The following RD3 variants were observed in gnomAD, a reference collection of about 807,000 sequenced individuals.
The protein encoded by RD3 is protein RD3.
Under a neutral mutation model 16.9 loss-of-function variants are expected in RD3, and 11 were observed. The ratio of observed to expected loss-of-function variants is 0.65; its 90% CI spans 0.41 to 1.08. The LOEUF (loss-of-function observed/expected upper bound fraction) is 1.08, where lower values mean the gene tolerates loss of function less well. Ranked by LOEUF, RD3 falls within the 50% of genes least tolerant of loss-of-function variation. RD3 has a pLI of 0.00. For missense variants in RD3, 274 were observed against 267.4 expected (o/e 1.02, Z -0.17); for synonymous variants, 116 against 114.8 (o/e 1.01, Z -0.07).
rs779496653 is a variant in RD3, at chr1:211,479,041, C to A, written c.583G>T (p.Asp195Tyr). 70 of 1,596,960 alleles carry A rather than the reference C, an allele frequency of 4.4e-5. No individual in the cohort carries two copies. The highest frequency in any genetic ancestry group is 5.7e-5 in the Non-Finnish European group (67 of 1,173,482). ...GGGCAGGGAAGCGGCCGGGGTCAGT[C>A]GGCTTTGGGCGCCCGGAATTCGGGC... The part of the protein sequence containing the change: ...SMPEFRAPKA[D>Y] Residue 195 changes from aspartate (D) to tyrosine (Y), a missense_variant, in exon 3 of 3, where the codon GAC becomes TAC. Transcript: ENST00000680073.
intron 1 of RD3, among the ~76,000 whole-genome samples, chr1:211,483,227 C>A (rs139318655): frequency 0.012 from 1,795 of 151,752 alleles, 79 homozygotes; most frequent in African/African-American, 0.041. Context: ...TTTGGGAGGC[C>A]GAGGAGGGCA....
chr1:211,480,816 G>T (rs774902176), intron 2 of RD3, among the ~76,000 whole-genome samples: 9 of 152,182 alleles, frequency 5.9e-5, no homozygotes, highest in Non-Finnish European at 1.2e-4. Context: ...AAGAAGCCAG[G>T]TAAGTTAAAA....
chr1:211,485,221 C>T (rs542660418), intron 1 of RD3, among the ~76,000 whole-genome samples: 1 of 152,290 alleles, frequency 6.6e-6, no homozygotes, highest in Admixed American at 6.5e-5. Flanking sequence ...TGGAGTGATC[C>T]CACCTGAGTC....
intron 1 of RD3, among the ~76,000 whole-genome samples, chr1:211,488,963 G>T (rs1279144793): frequency 6.6e-6 from 1 of 152,102 alleles, no homozygotes; most frequent in Non-Finnish European, 1.5e-5. Context: ...GGTGGAGCAG[G>T]CTGGGCTTGG....
chr1:211,488,460 G>A (rs764355135), intron 1 of RD3, among the ~76,000 whole-genome samples: 6 of 151,736 alleles, frequency 4.0e-5, no homozygotes, highest in Admixed American at 1.3e-4. Context: ...GCTTGAACCC[G>A]GGAGGTGGAG....
intron 2 of RD3, among the ~76,000 whole-genome samples, chr1:211,479,664 C>T (rs1455684647): frequency 2.6e-5 from 4 of 152,182 alleles, no homozygotes; most frequent in Non-Finnish European, 5.9e-5. Flanking sequence ...AAGGGGAGCC[C>T]TTTGCCGTGG....
intron 2 of RD3, 71 bp downstream of exon 2, chr1:211,481,049 C>T (rs1383784151): frequency 2.6e-6 from 4 of 1,539,042 alleles, no homozygotes. Flanking sequence ...CTGGTGGCCT[C>T]AGGCCCCTGC....
At position 211,478,848 on chromosome 1, in the gene RD3, C is replaced by T. The variant is rs1238185644; in HGVS notation, c.*188G>A. 9.8e-6 allele frequency: 6 copies of T among 614,856 alleles called. No individual in the cohort carries two copies. The Admixed American group carries it at 1.8e-4, about 18-fold the overall frequency. The allele number at this position is 614,856 out of a possible 1,614,324, so 38.1% of individuals were successfully genotyped here. A position where few individuals can be genotyped will look rare whatever the true frequency, so the allele number is the denominator to read the frequency against. ...GGTGCCGCTCTACGACCTAACTCAG[C>T]TTTGTGGCCAGAGGAAGAGGATGGG... is the stretch of plus-strand genomic sequence containing the variant. On this transcript the variant is annotated 3_prime_UTR_variant, in exon 3 of 3. Coordinates refer to ENST00000680073, the MANE Select transcript of RD3 (RefSeq NM_001164688.2).
At chr1:211,486,857 A>G (rs978178644) in intron 1 of RD3, among the ~76,000 whole-genome samples, 1 of 152,216 alleles carries the variant, frequency 6.6e-6, no homozygotes, top group Non-Finnish European at 1.5e-5. Flanking sequence ...AAAAGAAAAG[A>G]AAAAAAGAAA....
chr1:211,483,611 G>A (rs1011157155), intron 1 of RD3, among the ~76,000 whole-genome samples: 7 of 151,740 alleles, frequency 4.6e-5, no homozygotes, highest in Admixed American at 6.6e-5. Context: ...TAGCAGCTAG[G>A]ACGTTTACTT....
At chr1:211,482,689 G>A (rs993659088) in intron 1 of RD3, among the ~76,000 whole-genome samples, 1 of 151,894 alleles carries the variant, frequency 6.6e-6, no homozygotes, top group Non-Finnish European at 1.5e-5. Context: ...ATGAATGAAC[G>A]AATGAATGAA....
chr1:211,489,671 G>T (rs1558182532), intron 1 of RD3, among the ~76,000 whole-genome samples: 1 of 150,458 alleles, frequency 6.6e-6, no homozygotes, highest in African/African-American at 2.5e-5. Flanking sequence ...TTCTAGGAAC[G>T]TGTCCACAGG....
At position 211,479,177 on chromosome 1, in the gene RD3, G is replaced by C; in HGVS notation, c.447C>G (p.Ser149Arg). 6.2e-7 allele frequency: 1 copy of C among 1,612,694 alleles called. No individual in the cohort carries two copies. Among genetic ancestry groups the C allele is most frequent in the Non-Finnish European group, 8.5e-7 (1 of 1,179,578 alleles). The change falls in exon 3 of 3, where the codon AGC becomes AGG. Residue 149 changes from serine to arginine, a missense_variant. By Grantham distance (110) the Ser-to-Arg change is moderately radical (BLOSUM62 -1). Transcript: ENST00000680073. ...TRQWSLRPRG[S>R]LATFKTRARI... Reference sequence around the variant, plus strand: ...GCGCGCGGGTCTTGAAGGTGGCCAGGCTGCCGCGGGGCCGCAGGCTCCACT... The same window carrying C: ...GCGCGCGGGTCTTGAAGGTGGCCAGCCTGCCGCGGGGCCGCAGGCTCCACT...
rs1019481870 is a variant in RD3, at chr1:211,479,411, C to T, written c.297-84G>A. ...GGGCGTCTAACCCCGAGGGGCTGCC[C>T]GTGCATCCTCATGGCCAATTAGTCC... On this transcript the variant is annotated intron_variant, in intron 2 of 2. Coordinates refer to ENST00000680073, the MANE Select transcript of RD3 (RefSeq NM_001164688.2). 18 of 1,308,792 alleles carry T rather than the reference C, an allele frequency of 1.4e-5. No homozygotes were observed. The African/African-American group carries it at 1.9e-4, about 14-fold the overall frequency. 81.1% of individuals were successfully genotyped at this position (1,308,792 alleles called of 1,614,324 possible).
intron 1 of RD3, among the ~76,000 whole-genome samples, chr1:211,490,912 G>A (rs1705478522): frequency 6.6e-6 from 1 of 152,138 alleles, no homozygotes; most frequent in Non-Finnish European, 1.5e-5. Context: ...TCACGCTTTG[G>A]GTTGTATTTA....
intron 2 of RD3, among the ~76,000 whole-genome samples, chr1:211,479,860 T>C (rs1705227598): frequency 6.6e-6 from 1 of 152,240 alleles, no homozygotes; most frequent in Non-Finnish European, 1.5e-5. Flanking sequence ...GAATCACTTG[T>C]GGCCCCGACA....
intron 2 of RD3, among the ~76,000 whole-genome samples, chr1:211,479,870 A>G (rs1490441581): frequency 6.6e-6 from 1 of 152,200 alleles, no homozygotes; most frequent in African/African-American, 2.4e-5. Flanking sequence ...TGGCCCCGAC[A>G]TGTCCCAGCT....
At position 211,478,064 on chromosome 1, in the gene RD3, G is replaced by A. The variant is rs1705180228; in HGVS notation, c.*972C>T. On this transcript the variant is annotated 3_prime_UTR_variant, in exon 3 of 3. Transcript: ENST00000680073. The stretch of plus-strand genomic sequence containing the variant: ...AGGGGTTTGGGCATCACTTTCTGGA[G>A]AAAGCCAGAGAGCAGGTGTGACCAG... 2.5e-6 allele frequency: 1 copy of A among 398,620 alleles called. No individual in the cohort carries two copies. The highest frequency in any genetic ancestry group is 2.1e-5 in the African/African-American group (1 of 48,650). The allele number at this position is 398,620 out of a possible 1,614,324, so 24.7% of individuals were successfully genotyped here.
intron 2 of RD3, 37 bp downstream of exon 2, chr1:211,481,083 C>A: frequency 6.2e-7 from 1 of 1,608,528 alleles, no homozygotes. Flanking sequence ...TTTCCTGGAG[C>A]CTGCAGCCCA....
Sources: allele counts gnomAD v4.1 joint callset (sites outside exome capture counted in the v4.1 genomes callset), GRCh38; gene constraint gnomAD v4.1.1; transcripts MANE v1.5; gene names NCBI Gene and HGNC (gene_info 2026-07-23, HGNC 2026-07-21).